Variants in ANKS1B observed in about 807,000 individuals in gnomAD.
The protein encoded by ANKS1B is ankyrin repeat and sterile alpha motif domain containing 1B, also known as ankyrin repeat and sterile alpha motif domain-containing protein 1B.
In ANKS1B, 36 loss-of-function variants were observed where a neutral mutation model predicts 148.3. The ratio of observed to expected loss-of-function variants is 0.24; its 90% CI spans 0.19 to 0.32. ANKS1B has a LOEUF of 0.32. Among genes scored for constraint, ANKS1B ranks in the 10% least tolerant of loss-of-function variants. The pLI is 1.00. For synonymous variants in ANKS1B, 542 were observed against 560.8 expected (o/e 0.97, Z 0.47); for missense variants, 1,157 against 1,542.6 (o/e 0.75, Z 4.19).
chr12:99,166,783 T>C (rs965621683), intron 14 of ANKS1B, among the ~76,000 whole-genome samples: 3 of 151,972 alleles, frequency 2.0e-5, no homozygotes, highest in Admixed American at 6.6e-5. Flanking sequence ...TCATATGAAG[T>C]GCAAATGACC....
At chr12:99,271,750 A>G (rs1031945763) in intron 12 of ANKS1B, among the ~76,000 whole-genome samples, 1 of 149,190 alleles carries the variant, frequency 6.7e-6, no homozygotes, top group Non-Finnish European at 1.5e-5. Flanking sequence ...GAGATAAATG[A>G]AAAGGTCTTA....
intron 11 of ANKS1B, among the ~76,000 whole-genome samples, chr12:99,410,473 TC>T (rs1332472312): frequency 6.6e-6 from 1 of 151,958 alleles, no homozygotes; most frequent in Non-Finnish European, 1.5e-5. Context: ...ATCGAGACCA[TC>T]CCGGCTAACA....
At chr12:99,922,147 A>G (rs1410886681) in intron 1 of ANKS1B, among the ~76,000 whole-genome samples, 1 of 152,162 alleles carries the variant, frequency 6.6e-6, no homozygotes, top group Non-Finnish European at 1.5e-5. Context: ...CATATAAAGC[A>G]TTTAAAACAG....
At chr12:99,895,296 G>A (rs1175411847) in intron 1 of ANKS1B, among the ~76,000 whole-genome samples, 1 of 150,352 alleles carries the variant, frequency 6.7e-6, no homozygotes. Flanking sequence ...CAGAGAAACA[G>A]AACCAACGGG....
chr12:99,685,076 T>A (rs987759233), intron 8 of ANKS1B, among the ~76,000 whole-genome samples: 2 of 151,916 alleles, frequency 1.3e-5, no homozygotes, highest in African/African-American at 4.8e-5. Flanking sequence ...GATAAATAGA[T>A]AAGACTCAAA....
At chr12:99,045,369 C>T (rs749725072) in intron 17 of ANKS1B, among the ~76,000 whole-genome samples, 1 of 152,128 alleles carries the variant, frequency 6.6e-6, no homozygotes, top group Non-Finnish European at 1.5e-5. Flanking sequence ...CCCTCACAGC[C>T]AGCTCTTCCT....
At chr12:99,435,276 G>C (rs2095441044) in intron 11 of ANKS1B, among the ~76,000 whole-genome samples, 1 of 151,940 alleles carries the variant, frequency 6.6e-6, no homozygotes, top group African/African-American at 2.4e-5. Context: ...CAAATTCCAG[G>C]AGTTTATACT....
chr12:98,887,521 A>C (rs1278447512), intron 17 of ANKS1B, among the ~76,000 whole-genome samples: 1 of 152,246 alleles, frequency 6.6e-6, no homozygotes, highest in Non-Finnish European at 1.5e-5. Context: ...CCATAAGGGA[A>C]AATAATAACT....
intron 20 of ANKS1B, among the ~76,000 whole-genome samples, chr12:98,802,164 G>A (rs1473427793): frequency 6.6e-6 from 1 of 152,166 alleles, no homozygotes; most frequent in Non-Finnish European, 1.5e-5. Context: ...GCTATATATA[G>A]AACTATGAGA....
intron 15 of ANKS1B, among the ~76,000 whole-genome samples, chr12:99,125,892 T>C (rs1422702446): frequency 6.7e-6 from 1 of 149,698 alleles, no homozygotes; most frequent in African/African-American, 2.5e-5. Context: ...TTTCTGTCTA[T>C]AAAAAGAAAA....
chr12:98,904,136 C>G (rs866532883), intron 17 of ANKS1B, among the ~76,000 whole-genome samples: 1 of 151,530 alleles, frequency 6.6e-6, no homozygotes, highest in Non-Finnish European at 1.5e-5. Context: ...TTAGAAGCTG[C>G]TGCACAAATC....
At chr12:99,772,860 A>G (rs2153622713) in intron 8 of ANKS1B, 62 bp downstream of exon 8, 2 of 1,497,966 alleles carry the variant, frequency 1.3e-6, no homozygotes, top group Admixed American at 2.1e-5. Flanking sequence ...ATACCTCTTA[A>G]GTGTACACAC....
chr12:99,602,331 A>C (rs2097807711), intron 9 of ANKS1B, among the ~76,000 whole-genome samples: 1 of 152,094 alleles, frequency 6.6e-6, no homozygotes, highest in Admixed American at 6.6e-5. Context: ...GGTTGTGTCT[A>C]ATTTGAGGAG....
At chr12:99,627,925 GGAA>G (rs2098125439) in intron 9 of ANKS1B, among the ~76,000 whole-genome samples, 1 of 152,122 alleles carries the variant, frequency 6.6e-6, no homozygotes, top group Admixed American at 6.6e-5. Flanking sequence ...ACTGACATTA[GGAA>G]GAAGTACCCA....
chr12:99,604,019 TGAA>T (rs1371702417), intron 9 of ANKS1B, among the ~76,000 whole-genome samples: 1 of 152,120 alleles, frequency 6.6e-6, no homozygotes, highest in African/African-American at 2.4e-5. Flanking sequence ...TGAACTTTCT[TGAA>T]GACACAACAC....
intron 10 of ANKS1B, among the ~76,000 whole-genome samples, chr12:99,477,461 T>C (rs1366478234): frequency 6.6e-6 from 1 of 151,886 alleles, no homozygotes; most frequent in African/African-American, 2.4e-5. Context: ...CCAGCTTGGT[T>C]TGTCAGCCTA....
At chr12:99,968,654 C>T (rs372363929) in intron 1 of ANKS1B, among the ~76,000 whole-genome samples, 10 of 152,320 alleles carry the variant, frequency 6.6e-5, no homozygotes, top group Non-Finnish European at 1.3e-4. Flanking sequence ...ATAAATCCCA[C>T]GTACATGGTT....
intron 11 of ANKS1B, among the ~76,000 whole-genome samples, chr12:99,414,434 A>G (rs972295183): frequency 6.6e-6 from 1 of 152,146 alleles, no homozygotes; most frequent in Non-Finnish European, 1.5e-5. Context: ...AACCAACCCA[A>G]ATGTCCATCA....
intron 9 of ANKS1B, among the ~76,000 whole-genome samples, chr12:99,599,499 G>A (rs550684215): frequency 2.0e-5 from 3 of 152,012 alleles, no homozygotes; most frequent in Non-Finnish European, 2.9e-5. Flanking sequence ...ATATTTGCCT[G>A]TTAGAAAAAA....
Sources: allele counts gnomAD v4.1 joint callset (sites outside exome capture counted in the v4.1 genomes callset), GRCh38; gene constraint gnomAD v4.1.1; transcripts MANE v1.5; gene names NCBI Gene and HGNC (gene_info 2026-07-23, HGNC 2026-07-21).